SAMTOR: variants seen among roughly 807,000 people sequenced by gnomAD.
The protein encoded by SAMTOR is UPF0532 protein C7orf60.
At chr7:112,919,240 C>T in the SAMTOR span, among the ~76,000 whole-genome samples, 3 of 152,138 alleles carry the variant, frequency 2.0e-5, no homozygotes, top group Admixed American at 2.0e-4. Context: ...GAAATTACAA[C>T]AAACTGTCTC....
the SAMTOR span, among the ~76,000 whole-genome samples, chr7:112,897,991 G>C: frequency 2.0e-5 from 3 of 152,186 alleles, no homozygotes. Context: ...GATAATCTTT[G>C]TGCTTTGCAG....
At chr7:112,824,355 G>T in the SAMTOR span, among the ~76,000 whole-genome samples, 23 of 151,204 alleles carry the variant, frequency 1.5e-4, no homozygotes, top group Admixed American at 6.6e-4. Flanking sequence ...AGTTTTTTTT[G>T]TTTGTTTGTT....
At chr7:112,929,874 A>G in the SAMTOR span, among the ~76,000 whole-genome samples, 1 of 152,104 alleles carries the variant, frequency 6.6e-6, no homozygotes, top group African/African-American at 2.4e-5. Flanking sequence ...ACTGTACATG[A>G]ATCATATCTC....
the SAMTOR span, among the ~76,000 whole-genome samples, chr7:112,918,601 C>T: frequency 0.033 from 5,067 of 152,014 alleles, 162 homozygotes; most frequent in African/African-American, 0.074. Context: ...ATAACAATAT[C>T]AACTTTAAAT....
the SAMTOR span, among the ~76,000 whole-genome samples, chr7:112,936,136 T>G: frequency 1.3e-5 from 2 of 152,232 alleles, no homozygotes; most frequent in African/African-American, 4.8e-5. Flanking sequence ...CAAGCATATT[T>G]CCATTTATAA....
At chr7:112,837,907 C>T in the SAMTOR span, among the ~76,000 whole-genome samples, 5 of 151,994 alleles carry the variant, frequency 3.3e-5, no homozygotes, top group African/African-American at 9.6e-5. Flanking sequence ...GAACTCGTGG[C>T]CAACAGCACT....
chr7:112,933,158 C>A, the SAMTOR span, among the ~76,000 whole-genome samples: 13 of 152,156 alleles, frequency 8.5e-5, no homozygotes. Flanking sequence ...AGGGATCCTG[C>A]TGCTTTTGCT....
the SAMTOR span, among the ~76,000 whole-genome samples, chr7:112,920,298 C>T: frequency 1.5e-4 from 23 of 152,210 alleles, no homozygotes; most frequent in East Asian, 1.5e-3. Context: ...GTTCAATACA[C>T]GCAAATCAAT....
At chr7:112,847,110 A>T in the SAMTOR span, among the ~76,000 whole-genome samples, 1 of 152,330 alleles carries the variant, frequency 6.6e-6, no homozygotes, top group East Asian at 1.9e-4. Context: ...AACAACATTG[A>T]TAAAGACTAA....
chr7:112,836,275 G>A, the SAMTOR span, among the ~76,000 whole-genome samples: 2 of 152,094 alleles, frequency 1.3e-5, no homozygotes, highest in Non-Finnish European at 1.5e-5. Context: ...TGTTGGACAC[G>A]TTTGTCTTCT....
At chr7:112,852,965 C>T in the SAMTOR span, among the ~76,000 whole-genome samples, 1 of 151,814 alleles carries the variant, frequency 6.6e-6, no homozygotes, top group African/African-American at 2.4e-5. Context: ...TAAAGGACAA[C>T]GAACTAAAAT....
At chr7:112,861,549 AT>A in the SAMTOR span, among the ~76,000 whole-genome samples, 2 of 152,336 alleles carry the variant, frequency 1.3e-5, no homozygotes, top group East Asian at 3.9e-4. Context: ...TCTACAATAA[AT>A]ATGGCTGTTT....
At chr7:112,921,139 G>C in the SAMTOR span, among the ~76,000 whole-genome samples, 1 of 152,156 alleles carries the variant, frequency 6.6e-6, no homozygotes, top group African/African-American at 2.4e-5. Context: ...GCATCACCAA[G>C]TCAACCCTAA....
At chr7:112,882,028 C>T in the SAMTOR span, among the ~76,000 whole-genome samples, 1 of 152,252 alleles carries the variant, frequency 6.6e-6, no homozygotes, top group Non-Finnish European at 1.5e-5. Flanking sequence ...TTTCTGGTGT[C>T]TCCATGCTTC....
At chr7:112,844,089 T>TA in the SAMTOR span, among the ~76,000 whole-genome samples, 3 of 152,032 alleles carry the variant, frequency 2.0e-5, no homozygotes, top group Admixed American at 1.3e-4. Flanking sequence ...CCCTTCATGT[T>TA]AAAAACTCTC....
the SAMTOR span, among the ~76,000 whole-genome samples, chr7:112,877,497 A>G: frequency 6.6e-6 from 1 of 152,222 alleles, no homozygotes; most frequent in Admixed American, 6.5e-5. Flanking sequence ...GTATTAACTC[A>G]TTGAAAATAG....
At chr7:112,837,571 G>GA in the SAMTOR span, among the ~76,000 whole-genome samples, 55 of 152,046 alleles carry the variant, frequency 3.6e-4, no homozygotes, top group African/African-American at 1.3e-3. Flanking sequence ...CTATGTGGTA[G>GA]AAAAAAATTC....
the SAMTOR span, among the ~76,000 whole-genome samples, chr7:112,891,199 AATATTT>A: frequency 5.3e-4 from 81 of 152,346 alleles, 3 homozygotes; most frequent in East Asian, 0.012. Flanking sequence ...TTAAAATATT[AATATTT>A]AAGAATGTCC....
the SAMTOR span, chr7:112,939,860 G>A: frequency 3.3e-5 from 27 of 814,882 alleles, no homozygotes; most frequent in African/African-American, 4.6e-4. Flanking sequence ...AGAGGAGGCA[G>A]AGGAACCGGA....
Sources: allele counts gnomAD v4.1 joint callset (sites outside exome capture counted in the v4.1 genomes callset), GRCh38; gene constraint gnomAD v4.1.1; transcripts MANE v1.5; gene names NCBI Gene and HGNC (gene_info 2026-07-23, HGNC 2026-07-21).